Variants in SPOCK1 observed in about 807,000 individuals in gnomAD.
SPOCK1 encodes the protein testican-1.
A neutral mutation model predicts 55.3 loss-of-function variants in SPOCK1; 23 were observed. The ratio of observed to expected loss-of-function variants is 0.42; its 90% CI spans 0.30 to 0.59. The LOEUF (loss-of-function observed/expected upper bound fraction) is 0.59. Among genes scored for constraint, SPOCK1 ranks in the 20% least tolerant of loss-of-function variants. The pLI is 0.22. For missense variants in SPOCK1, 499 were observed against 552.5 expected (o/e 0.90, Z 0.97); for synonymous variants, 226 against 221.0 (o/e 1.02, Z -0.20).
At chr5:137,100,788 A>C (rs1753246101) in intron 5 of SPOCK1, among the ~76,000 whole-genome samples, 1 of 152,170 alleles carries the variant, frequency 6.6e-6, no homozygotes. Flanking sequence ...CAGCTCAAGA[A>C]GGACACCCTT....
chr5:137,473,210 G>C (rs748032995), intron 2 of SPOCK1, among the ~76,000 whole-genome samples: 4 of 152,080 alleles, frequency 2.6e-5, no homozygotes, highest in Admixed American at 6.5e-5. Flanking sequence ...CAACCTAAAT[G>C]CCCATACATA....
chr5:137,198,528 A>G (rs1245930250), intron 3 of SPOCK1, among the ~76,000 whole-genome samples: 1 of 152,188 alleles, frequency 6.6e-6, no homozygotes, highest in Non-Finnish European at 1.5e-5. Context: ...TTCTTGTTGC[A>G]TTTTTCACTT....
Position 137,162,573 on chromosome 5 carries a change from G to T in SPOCK1, c.233-21879C>A, listed in dbSNP as rs557352547. On this transcript the variant is annotated intron_variant, in intron 3 of 10. Coordinates refer to ENST00000394945, the MANE Select transcript of SPOCK1 (RefSeq NM_004598.4). ...GCTTGTCACAACTGTGTGCAGAGGT[G>T]GGGGTGATGCTACTGGTATCTAGTG... Among the ~76,000 whole-genome samples the T allele has an allele frequency of 4.6e-5, 7 of 152,278 alleles. No individual in the cohort carries two copies. The East Asian group carries it at 1.3e-3, about 29-fold the overall frequency.
intron 7 of SPOCK1, among the ~76,000 whole-genome samples, chr5:136,990,112 G>A (rs142563816): frequency 0.025 from 3,790 of 152,030 alleles, 115 homozygotes; most frequent in African/African-American, 0.068. Context: ...GGGTTTCACC[G>A]TGTTAGCCAG....
At chr5:137,238,063 A>G (rs115049062) in intron 3 of SPOCK1, among the ~76,000 whole-genome samples, 7 of 152,322 alleles carry the variant, frequency 4.6e-5, no homozygotes, top group Non-Finnish European at 1.0e-4. Context: ...CTTGGGCAAG[A>G]CTGGTTCACC....
intron 3 of SPOCK1, among the ~76,000 whole-genome samples, chr5:137,142,522 C>G (rs567316499): frequency 6.6e-6 from 1 of 152,238 alleles, no homozygotes; most frequent in Non-Finnish European, 1.5e-5. Flanking sequence ...ACCCAGGGCC[C>G]GGTCCTAGGG....
chr5:137,222,638 AG>A (rs1261048218), intron 3 of SPOCK1, among the ~76,000 whole-genome samples: 1 of 152,226 alleles, frequency 6.6e-6, no homozygotes, highest in East Asian at 1.9e-4. Context: ...TTCTAAAAAC[AG>A]GTGCTTGAAA....
chr5:137,403,562 C>A (rs750862794), intron 2 of SPOCK1, among the ~76,000 whole-genome samples: 7 of 152,116 alleles, frequency 4.6e-5, no homozygotes, highest in Non-Finnish European at 7.4e-5. Context: ...AACTGTACAG[C>A]AGGCTGAAGG....
intron 2 of SPOCK1, among the ~76,000 whole-genome samples, chr5:137,310,143 C>A (rs947655655): frequency 2.6e-5 from 4 of 152,124 alleles, no homozygotes; most frequent in African/African-American, 9.7e-5. Context: ...CTCTCTGAGC[C>A]AGTTCTGTAG....
At chr5:137,496,397 T>C (rs564981818) in intron 2 of SPOCK1, among the ~76,000 whole-genome samples, 1 of 152,358 alleles carries the variant, frequency 6.6e-6, no homozygotes, top group Admixed American at 6.5e-5. Flanking sequence ...ATGCTTATGA[T>C]ACACTGAGAC....
At chr5:137,227,670 A>C (rs1034220757) in intron 3 of SPOCK1, among the ~76,000 whole-genome samples, 1 of 152,234 alleles carries the variant, frequency 6.6e-6, no homozygotes, top group African/African-American at 2.4e-5. Context: ...CCCAAACTCA[A>C]TAACTCTCTT....
chr5:137,473,907 G>A lies in SPOCK1; in HGVS notation c.186+24466C>T, dbSNP rs1207268021. On this transcript the variant is annotated intron_variant, in intron 2 of 10. Transcript: ENST00000394945. ...TATATATACGATGGAATACTATGCA[G>A]CCATAAAAAGGAATGAATTAACAGC... Among the ~76,000 whole-genome samples, 36 of 152,216 alleles carry A rather than the reference G, an allele frequency of 2.4e-4. 1 individual carries two copies. Among genetic ancestry groups the A allele is most frequent in the Admixed American group, 2.4e-3 (36 of 15,276 alleles).
intron 2 of SPOCK1, among the ~76,000 whole-genome samples, chr5:137,377,822 CA>C (rs1220788511): frequency 6.6e-6 from 1 of 152,010 alleles, no homozygotes; most frequent in Non-Finnish European, 1.5e-5. Flanking sequence ...TGAATCAAAT[CA>C]GTCCTGAATG....
intron 5 of SPOCK1, among the ~76,000 whole-genome samples, chr5:137,079,535 C>A (rs868834849): frequency 0.026 from 1,223 of 47,126 alleles, 38 homozygotes; most frequent in African/African-American, 0.086. Flanking sequence ...CATCTGATTC[C>A]CCCCCCCCCC....
chr5:137,170,424 G>T (rs1754731418), intron 3 of SPOCK1, among the ~76,000 whole-genome samples: 1 of 152,138 alleles, frequency 6.6e-6, no homozygotes, highest in African/African-American at 2.4e-5. Flanking sequence ...ACTGAATTCT[G>T]TCCCTCCCAA....
rs773254518 is a variant in SPOCK1 at position 137,141,440 on chromosome 5, T to C, written c.233-746A>G. Among the ~76,000 whole-genome samples the C allele has an allele frequency of 6.3e-4, 96 of 152,272 alleles. 1 individual carries two copies. The highest frequency in any genetic ancestry group is 1.2e-3 in the Non-Finnish European group (79 of 68,052). ...TTTTGCTTCCATTCAATAAACACTATGTGCATAAACAACCTATTTTAAGTT... is the reference window on the plus strand; with the variant it reads ...TTTTGCTTCCATTCAATAAACACTACGTGCATAAACAACCTATTTTAAGTT... On this transcript the variant is annotated intron_variant, in intron 3 of 10. Coordinates refer to ENST00000394945, the MANE Select transcript of SPOCK1 (RefSeq NM_004598.4).
At chr5:137,014,069 A>G (rs992740000) in intron 6 of SPOCK1, among the ~76,000 whole-genome samples, 1 of 152,136 alleles carries the variant, frequency 6.6e-6, no homozygotes, top group Non-Finnish European at 1.5e-5. Flanking sequence ...TGGATCATGG[A>G]GGTGGATCCC....
chr5:137,248,886 C>T (rs1037727448), intron 3 of SPOCK1, among the ~76,000 whole-genome samples: 9 of 152,212 alleles, frequency 5.9e-5, no homozygotes, highest in African/African-American at 2.2e-4. Context: ...CCTTTCCCAT[C>T]TGAGAATCTT....
chr5:137,065,941 G>A (rs1438956998), intron 6 of SPOCK1, among the ~76,000 whole-genome samples: 6 of 152,100 alleles, frequency 3.9e-5, no homozygotes, highest in Non-Finnish European at 8.8e-5. Context: ...GCCACACCTG[G>A]AGTGTCAGTC....
Sources: gnomAD v4.1 joint callset for allele counts (sites outside exome capture counted in the v4.1 genomes callset) on GRCh38, gnomAD v4.1.1 for gene constraint, MANE v1.5 for transcripts, NCBI Gene and HGNC (gene_info 2026-07-23, HGNC 2026-07-21) for gene names.